USP5: variants seen among roughly 807,000 people sequenced by gnomAD.
USP5 encodes the protein ubiquitin specific peptidase 5.
A neutral mutation model predicts 102.5 loss-of-function variants in USP5; 24 were observed. That is an observed-to-expected ratio of 0.23 (90% CI 0.17 to 0.33). The LOEUF (loss-of-function observed/expected upper bound fraction) is 0.33. Ranked by LOEUF, USP5 falls within the 10% of genes least tolerant of loss-of-function variation. The pLI is 1.00. For synonymous variants in USP5, 460 were observed against 434.8 expected (o/e 1.06, Z -0.72); for missense variants, 753 against 1,122.1 (o/e 0.67, Z 4.70).
intron 8 of USP5, among the ~76,000 whole-genome samples, chr12:6,859,264 T>G (rs929067284): frequency 6.6e-6 from 1 of 152,064 alleles, no homozygotes; most frequent in East Asian, 1.9e-4. Context: ...CCGGCTCCTC[T>G]GCCGCCGAGC....
rs183584582 is a variant in USP5, at chr12:6,860,107, C to T, written c.1131-44C>T. 1.9e-6 allele frequency: 3 copies of T among 1,599,348 alleles called. No homozygotes were observed. The highest frequency in any genetic ancestry group is 2.7e-5 in the African/African-American group (2 of 73,982). ...GGGTTGAGCTGGGGACACACAGGGT[C>T]GTTAGTTGACTGAAGTGAAATGTTT... is the stretch of plus-strand genomic sequence containing the variant. On this transcript the variant is annotated intron_variant, in intron 9 of 19. Transcript: ENST00000229268. This position sits in a 1 kb window ranked among gnomAD's most constrained non-coding sequence, Gnocchi z 5.5.
At position 6,852,239 on chromosome 12, in the gene USP5, G is replaced by A. The variant is rs987131672; in HGVS notation, c.60G>A (p.Lys20=). 1.2e-6 allele frequency: 2 copies of A among 1,613,340 alleles called. No individual in the cohort carries two copies. The highest frequency in any genetic ancestry group is 1.7e-6 in the Non-Finnish European group (2 of 1,179,780). Residue 20 remains lysine, a synonymous_variant, in exon 1 of 20, where the codon AAG becomes AAA. Coordinates refer to ENST00000229268, the MANE Select transcript of USP5 (RefSeq NM_001098536.2). ...TATTACCGACGATCCGGGTCCCTAA[G>A]GCTGGAGACCGGGTCCACAAAGACG... is the stretch of plus-strand genomic sequence containing the variant. The part of the protein sequence containing the change: ...LSVLPTIRVP[K]AGDRVHKDEC...
chr12:6,864,318 T>A lies in USP5; in HGVS notation c.2244+123T>A, dbSNP rs1051919454. 162 of 1,361,998 alleles carry A rather than the reference T, an allele frequency of 1.2e-4. No individual in the cohort carries two copies. The highest frequency in any genetic ancestry group is 1.5e-4 in the Non-Finnish European group (153 of 1,033,688). 84.4% of individuals were successfully genotyped at this position (1,361,998 alleles called of 1,614,324 possible). A position where few individuals can be genotyped will look rare whatever the true frequency, so the allele number is the denominator to read the frequency against. On this transcript the variant is annotated intron_variant, in intron 17 of 19. Transcript: ENST00000229268. The surrounding 1 kb of genome is among the most constrained non-coding windows in gnomAD (Gnocchi z 4.8). ...TGGTCTGGCCGAGGTTGGGCACCAC[T>A]CTTTTGTGGCTGCGATGAAGGAGCT...
chr12:6,855,564 C>G lies in USP5; in HGVS notation c.237+38C>G. On this transcript the variant is annotated intron_variant, in intron 2 of 19. Coordinates refer to ENST00000229268, the MANE Select transcript of USP5 (RefSeq NM_001098536.2). This position sits in a 1 kb window ranked among gnomAD's most constrained non-coding sequence, Gnocchi z 4.6. Reference sequence around the variant, plus strand: ...CTGGGGCAAGGCCTGGGTACATTGTCTGTTCCATTCTGACCTCCTATTGGA... The same window carrying G: ...CTGGGGCAAGGCCTGGGTACATTGTGTGTTCCATTCTGACCTCCTATTGGA... The G allele has an allele frequency of 1.2e-6, 2 of 1,608,668 alleles. No individual in the cohort carries two copies. The highest frequency in any genetic ancestry group is 2.2e-5 in the South Asian group (2 of 90,284).
In USP5 at chr12:6,858,334, T is replaced by C. The variant is rs910677567; in HGVS notation, c.865-90T>C. 16 of 1,370,534 alleles carry C rather than the reference T, an allele frequency of 1.2e-5. No individual in the cohort carries two copies. Among genetic ancestry groups the C allele is most frequent in the African/African-American group, 1.4e-5 (1 of 70,218 alleles). 84.9% of individuals were successfully genotyped at this position (1,370,534 alleles called of 1,614,324 possible). On this transcript the variant is annotated intron_variant, in intron 7 of 19. Coordinates refer to ENST00000229268, the MANE Select transcript of USP5 (RefSeq NM_001098536.2). This position sits in a 1 kb window ranked among gnomAD's most constrained non-coding sequence, Gnocchi z 4.2. ...TAATTCCACAAATTCTAGGCCACAG[T>C]TGAGTATCATCCTAGACTCAGTGAG...
At position 6,866,199 on chromosome 12, in the gene USP5, AG is replaced by A; in HGVS notation, c.*125del. 1 of 915,662 alleles carries A rather than the reference AG, an allele frequency of 1.1e-6. No homozygotes were observed. The highest frequency in any genetic ancestry group is 2.6e-5 in the East Asian group (1 of 38,568). The allele number at this position is 915,662 out of a possible 1,614,324, so 56.7% of individuals were successfully genotyped here. ...CCTTTTTCCTTTTGTCCCCGGCAGC[AG>A]GGAAGAAGCTGGAGGCCGTGGGAGA... is the stretch of plus-strand genomic sequence containing the variant. On this transcript the variant is annotated 3_prime_UTR_variant, in exon 20 of 20. Transcript: ENST00000229268. This position sits in a 1 kb window ranked among gnomAD's most constrained non-coding sequence, Gnocchi z 4.7.
At position 6,861,967 on chromosome 12, in the gene USP5, A is replaced by G. The variant is rs1555129659; in HGVS notation, c.1673+350A>G. 6.6e-6 allele frequency among the ~76,000 whole-genome samples: 1 copy of G among 151,976 alleles called. No individual in the cohort carries two copies. ...CAGCAAATAGCCACACTTTGAGCCT[A>G]GCCATTGGCACCTGGCATGGGTGTG... On this transcript the variant is annotated intron_variant, in intron 13 of 19. Transcript: ENST00000229268. This position sits in a 1 kb window ranked among gnomAD's most constrained non-coding sequence, Gnocchi z 4.9.
chr12:6,854,905 G>A (rs1481962508), intron 1 of USP5, among the ~76,000 whole-genome samples: 1 of 152,124 alleles, frequency 6.6e-6, no homozygotes, highest in African/African-American at 2.4e-5. Context: ...TGTCTTAGGT[G>A]TCCCCTGGTT....
In USP5 at chr12:6,855,885, G is replaced by A; in HGVS notation, c.304+64G>A. On this transcript the variant is annotated intron_variant, in intron 3 of 19. Coordinates refer to ENST00000229268, the MANE Select transcript of USP5 (RefSeq NM_001098536.2). The surrounding 1 kb of genome is among the most constrained non-coding windows in gnomAD (Gnocchi z 4.6). The stretch of plus-strand genomic sequence containing the variant: ...GTCTTTCTGGCTCTCAGCAGCACCA[G>A]GAAAGCCCCAAAGAGTGGGCCTGAT... 1 of 1,611,744 alleles carries A rather than the reference G, an allele frequency of 6.2e-7. No homozygotes were observed. Among genetic ancestry groups the A allele is most frequent in the Non-Finnish European group, 8.5e-7 (1 of 1,178,178 alleles).
Position 6,863,428 on chromosome 12 carries a change from C to G in USP5, c.1954+51C>G. 1 of 1,565,602 alleles carries G rather than the reference C, an allele frequency of 6.4e-7. No homozygotes were observed. Among genetic ancestry groups the G allele is most frequent in the Non-Finnish European group, 8.7e-7 (1 of 1,147,178 alleles). On this transcript the variant is annotated intron_variant, in intron 15 of 19. Coordinates refer to ENST00000229268, the MANE Select transcript of USP5 (RefSeq NM_001098536.2). The surrounding 1 kb of genome is among the most constrained non-coding windows in gnomAD (Gnocchi z 4.7). ...CTCTCTCCCGTGCTGATGGGGGCCT[C>G]TCTGCCTTGCATCCCCTGCCCCTGT...
chr12:6,866,145 GGATGGACT>G lies in USP5; in HGVS notation c.*69_*76del. On this transcript the variant is annotated 3_prime_UTR_variant, in exon 20 of 20. Coordinates refer to ENST00000229268, the MANE Select transcript of USP5 (RefSeq NM_001098536.2). This position sits in a 1 kb window ranked among gnomAD's most constrained non-coding sequence, Gnocchi z 4.7. ...CCTGGCATGAGGGAGAGGGGCTGAGGGATGGACTTCAGCCCCTCTGCTCTGTACCCTTT... is the reference window on the plus strand; with the variant it reads ...CCTGGCATGAGGGAGAGGGGCTGAGGTCAGCCCCTCTGCTCTGTACCCTTT... 1 of 1,435,700 alleles carries G rather than the reference GGATGGACT, an allele frequency of 7.0e-7. No individual in the cohort carries two copies. The highest frequency in any genetic ancestry group is 9.8e-7 in the Non-Finnish European group (1 of 1,019,950). The allele number at this position is 1,435,700 out of a possible 1,614,324, so 88.9% of individuals were successfully genotyped here.
At position 6,861,617 on chromosome 12, in the gene USP5, A is replaced by G; in HGVS notation, c.1673A>G (p.Lys558Arg). Residue 558 changes from lysine to arginine, a missense_variant and splice_region_variant, in exon 13 of 20, where the codon AAG becomes AGG. Lys to Arg is a conservative substitution (Grantham distance 26). This residue lies in a region of USP5 where 527 missense variants were observed against 816.5 expected (regional missense o/e 0.65). Coordinates refer to ENST00000229268, the MANE Select transcript of USP5 (RefSeq NM_001098536.2). This position sits in a 1 kb window ranked among gnomAD's most constrained non-coding sequence, Gnocchi z 4.9. ...TALQAKSVAV[K>R]TTRFASFPDY... Reference sequence around the variant, plus strand: ...CTGCAGGCCAAGTCAGTAGCTGTCAAGTAAGTCCTCTGGTCGGGGCCTGAG... The same window carrying G: ...CTGCAGGCCAAGTCAGTAGCTGTCAGGTAAGTCCTCTGGTCGGGGCCTGAG... 6.4e-7 allele frequency: 1 copy of G among 1,553,554 alleles called. No individual in the cohort carries two copies. The highest frequency in any genetic ancestry group is 8.7e-7 in the Non-Finnish European group (1 of 1,145,482).
chr12:6,856,942 G>A lies in USP5; in HGVS notation c.769+51G>A, dbSNP rs1426988326. The stretch of plus-strand genomic sequence containing the variant: ...TCTCATGCTTAAATATATTTCATTT[G>A]TTAGTAATTTCGTGTGACATGTATA... On this transcript the variant is annotated intron_variant, in intron 6 of 19. Transcript: ENST00000229268. The surrounding 1 kb of genome is among the most constrained non-coding windows in gnomAD (Gnocchi z 5.6). 1 of 1,586,218 alleles carries A rather than the reference G, an allele frequency of 6.3e-7. No homozygotes were observed. The highest frequency in any genetic ancestry group is 1.4e-5 in the African/African-American group (1 of 73,772).
rs781915951 is a variant in USP5, at chr12:6,864,849, G to C, written c.2372G>C (p.Gly791Ala). Residue 791 changes from glycine to alanine, a missense_variant, in exon 18 of 20, where the codon GGA (glycine) becomes GCA (alanine). By Grantham distance (60) the Gly-to-Ala change is moderately conservative. Coordinates refer to ENST00000229268, the MANE Select transcript of USP5 (RefSeq NM_001098536.2). This position sits in a 1 kb window ranked among gnomAD's most constrained non-coding sequence, Gnocchi z 4.8. Reference protein sequence around the residue: ...ADSISESVPVGPKVRDGPGKY... With the variant: ...ADSISESVPVAPKVRDGPGKY... Reference sequence around the variant, plus strand: ...TCCATCTCTGAGTCTGTGCCAGTGGGACCTAAAGTCCGGGATGGTCCTGGA... The same window carrying C: ...TCCATCTCTGAGTCTGTGCCAGTGGCACCTAAAGTCCGGGATGGTCCTGGA... The C allele has an allele frequency of 6.2e-7, 1 of 1,613,872 alleles. No homozygotes were observed. Among genetic ancestry groups the C allele is most frequent in the East Asian group, 2.2e-5 (1 of 44,888 alleles).
chr12:6,857,829 C>G, intron 7 of USP5, 106 bp downstream of exon 7: 1 of 1,079,484 alleles, frequency 9.3e-7, no homozygotes, highest in Non-Finnish European at 1.4e-6. Context: ...TCTAGTTAAC[C>G]CCATCCCCAA....
chr12:6,852,364 A>T (rs1335025396), intron 1 of USP5, 74 bp downstream of exon 1: 2 of 1,449,920 alleles, frequency 1.4e-6, no homozygotes, highest in Non-Finnish European at 1.9e-6. Context: ...GGGGCCTGCA[A>T]GGCTTGGGCT....
At chr12:6,854,703 A>G (rs1439665397) in intron 1 of USP5, among the ~76,000 whole-genome samples, 1 of 151,220 alleles carries the variant, frequency 6.6e-6, no homozygotes, top group Non-Finnish European at 1.5e-5. Context: ...GGCTGCAGTG[A>G]GCTATGATCG....
chr12:6,864,021 C>G lies in USP5; in HGVS notation c.2099-29C>G, dbSNP rs782177096. The G allele has an allele frequency of 2.5e-6, 4 of 1,585,472 alleles. No individual in the cohort carries two copies. In the African/African-American group the frequency reaches 4.0e-5, roughly 16 times the overall value. On this transcript the variant is annotated intron_variant, in intron 16 of 19. Transcript: ENST00000229268. The surrounding 1 kb of genome is among the most constrained non-coding windows in gnomAD (Gnocchi z 4.8). ...GTGGGGCAGGGCCTCCATCCTCCCC[C>G]AAACACATCAACCCCTTCACATCCA... is the stretch of plus-strand genomic sequence containing the variant.
chr12:6,855,827 C>T lies in USP5; in HGVS notation c.304+6C>T, dbSNP rs1555128085. ...GCCCACGCGGCTGGCTATTGGTGAGCACCGCTGCAGTCCTATTCTTCTCCC... is the reference window on the plus strand; with the variant it reads ...GCCCACGCGGCTGGCTATTGGTGAGTACCGCTGCAGTCCTATTCTTCTCCC... On this transcript the variant is annotated splice_donor_region_variant and intron_variant, in intron 3 of 19. Transcript: ENST00000229268. This position sits in a 1 kb window ranked among gnomAD's most constrained non-coding sequence, Gnocchi z 4.6. The T allele has an allele frequency of 1.2e-6, 2 of 1,614,148 alleles. No homozygotes were observed. The highest frequency in any genetic ancestry group is 1.7e-6 in the Non-Finnish European group (2 of 1,180,008).
Sources: gnomAD v4.1 joint callset for allele counts (sites outside exome capture counted in the v4.1 genomes callset) on GRCh38, gnomAD v4.1.1 for gene constraint, gnomAD v4.1.1 regional missense constraint, Gnocchi (gnomAD v3.1) non-coding constraint, MANE v1.5 for transcripts, NCBI Gene and HGNC (gene_info 2026-07-23, HGNC 2026-07-21) for gene names.